Variants in MGST1 observed in about 807,000 individuals in gnomAD.
MGST1 encodes microsomal glutathione S-transferase 1.
Under a neutral mutation model 8.9 loss-of-function variants are expected in MGST1, and 5 were observed. The ratio of observed to expected loss-of-function variants is 0.56; its 90% CI spans 0.29 to 1.19. The LOEUF (loss-of-function observed/expected upper bound fraction) is 1.19. MGST1 is among the 50% of genes most tolerant of loss of function. The pLI is 0.08. For synonymous variants in MGST1, 54 were observed against 67.8 expected (o/e 0.80, Z 1.00); for missense variants, 182 against 187.4 (o/e 0.97, Z 0.17).
chr12:16,375,654 T>C (rs1484026455), intron 3 of MGST1, among the ~76,000 whole-genome samples: 2 of 152,026 alleles, frequency 1.3e-5, no homozygotes, highest in South Asian at 2.1e-4. Context: ...ATTTGGGGCA[T>C]GGCAGAAAGA....
At chr12:16,423,919 C>T (rs1300367727) in intron 1 of MGST1, among the ~76,000 whole-genome samples, 1 of 152,176 alleles carries the variant, frequency 6.6e-6, no homozygotes, top group Non-Finnish European at 1.5e-5. Context: ...GTCGGTGCTC[C>T]AGCCTGGTTC....
intron 4 of MGST1, among the ~76,000 whole-genome samples, chr12:16,575,876 C>G (rs2137489085): frequency 6.6e-6 from 1 of 152,290 alleles, no homozygotes; most frequent in South Asian, 2.1e-4. Context: ...TGACATCCTT[C>G]TCTTCTGCAG....
chr12:16,386,277 C>T (rs768228977), intron 1 of MGST1, among the ~76,000 whole-genome samples: 7 of 152,136 alleles, frequency 4.6e-5, no homozygotes, highest in African/African-American at 7.2e-5. Context: ...GCTGTACACG[C>T]GGCAAGTTAT....
intron 4 of MGST1, among the ~76,000 whole-genome samples, chr12:16,454,047 G>C (rs1228984180): frequency 3.3e-5 from 5 of 151,864 alleles, no homozygotes. Context: ...GAGTTGGTAG[G>C]AACTTTAGAA....
chr12:16,483,961 T>C (rs1340126740), intron 4 of MGST1, among the ~76,000 whole-genome samples: 1 of 152,128 alleles, frequency 6.6e-6, no homozygotes, highest in African/African-American at 2.4e-5. Context: ...AAAACAAATA[T>C]AAACATATTT....
intron 4 of MGST1, among the ~76,000 whole-genome samples, chr12:16,479,368 G>A (rs1404103738): frequency 1.3e-5 from 2 of 150,468 alleles, no homozygotes; most frequent in African/African-American, 4.9e-5. Context: ...CCGAGTAGCT[G>A]GGACTACAGG....
At position 16,555,293 on chromosome 12, in the gene MGST1, C is replaced by G. The variant is rs1416512662; in HGVS notation, n.483-34235C>G. The stretch of plus-strand genomic sequence containing the variant: ...CTTGAGTTCCCATTGCCTCCATCAA[C>G]ATCTTCTGACCATGTAAATTTGCTT... On this transcript the variant is annotated intron_variant and non_coding_transcript_variant, in intron 4 of 4. Transcript: ENST00000538857. This position sits in a 1 kb window ranked among gnomAD's most constrained non-coding sequence, Gnocchi z 5.5. Among the ~76,000 whole-genome samples the G allele has an allele frequency of 6.6e-6, 1 of 152,206 alleles. No homozygotes were observed. Among genetic ancestry groups the G allele is most frequent in the Admixed American group, 6.5e-5 (1 of 15,286 alleles).
At chr12:16,580,669 A>C (rs1210956717) in intron 4 of MGST1, among the ~76,000 whole-genome samples, 1 of 152,220 alleles carries the variant, frequency 6.6e-6, no homozygotes, top group Non-Finnish European at 1.5e-5. Context: ...TCTCAATTTG[A>C]TAAAAAATAC....
intron 4 of MGST1, among the ~76,000 whole-genome samples, chr12:16,542,970 C>A (rs2137214946): frequency 6.6e-6 from 1 of 152,276 alleles, no homozygotes; most frequent in African/African-American, 2.4e-5. Context: ...AATTGTGATG[C>A]CTTTTCTAAT....
At chr12:16,488,795 C>G (rs1368734882) in intron 4 of MGST1, among the ~76,000 whole-genome samples, 1 of 151,988 alleles carries the variant, frequency 6.6e-6, no homozygotes, top group Non-Finnish European at 1.5e-5. Flanking sequence ...ATCACTATTT[C>G]TCCACCGCTT....
chr12:16,395,786 T>TACACACACACACAC (rs1375192264), intron 1 of MGST1, among the ~76,000 whole-genome samples: 1 of 120,468 alleles, frequency 8.3e-6, no homozygotes, highest in Non-Finnish European at 1.7e-5. Flanking sequence ...CCATCATATA[T>TACACACACACACAC]ATATATATAT....
intron 2 of MGST1, 84 bp downstream of exon 2, chr12:16,354,462 T>C: frequency 7.0e-7 from 1 of 1,422,384 alleles, no homozygotes; most frequent in Non-Finnish European, 9.6e-7. Context: ...TTTTTTATTT[T>C]TGGTAAAGCC....
rs753847361 is a variant in MGST1, at chr12:16,576,111, C to T, written n.483-13417C>T. On this transcript the variant is annotated intron_variant and non_coding_transcript_variant, in intron 4 of 4. Coordinates refer to the MGST1 transcript ENST00000538857. This position sits in a 1 kb window ranked among gnomAD's most constrained non-coding sequence, Gnocchi z 4.1. ...CTTCTCCCTTGCACTCATACTACAACCTCCCAGCTGAACATCTTTCCACCA... is the reference window on the plus strand; with the variant it reads ...CTTCTCCCTTGCACTCATACTACAATCTCCCAGCTGAACATCTTTCCACCA... Among the ~76,000 whole-genome samples, 2 of 152,176 alleles carry T rather than the reference C, an allele frequency of 1.3e-5. No homozygotes were observed. The highest frequency in any genetic ancestry group is 2.9e-5 in the Non-Finnish European group (2 of 68,036).
chr12:16,452,669 G>A (rs1941139443), intron 4 of MGST1, among the ~76,000 whole-genome samples: 1 of 151,814 alleles, frequency 6.6e-6, no homozygotes, highest in South Asian at 2.1e-4. Context: ...TATTAGTCAA[G>A]ATACCCAGTC....
intron 4 of MGST1, among the ~76,000 whole-genome samples, chr12:16,581,615 TAAAAC>T (rs1252824077): frequency 6.6e-6 from 1 of 152,186 alleles, no homozygotes; most frequent in Non-Finnish European, 1.5e-5. Flanking sequence ...TTCACAATGT[TAAAAC>T]AAACACTCAA....
At chr12:16,488,871 G>A (rs1941418150) in intron 4 of MGST1, among the ~76,000 whole-genome samples, 1 of 152,064 alleles carries the variant, frequency 6.6e-6, no homozygotes, top group Admixed American at 6.6e-5. Flanking sequence ...TGCTCCAAGA[G>A]GCTGAGGCAG....
intron 4 of MGST1, among the ~76,000 whole-genome samples, chr12:16,493,885 T>G (rs1402486332): frequency 2.0e-5 from 3 of 152,184 alleles, no homozygotes; most frequent in African/African-American, 7.2e-5. Flanking sequence ...TTAAAAGAAC[T>G]GCTTAATTTT....
At chr12:16,509,185 T>G (rs1279995203) in intron 4 of MGST1, among the ~76,000 whole-genome samples, 1 of 152,186 alleles carries the variant, frequency 6.6e-6, no homozygotes, top group Non-Finnish European at 1.5e-5. Flanking sequence ...ATATTGCCAG[T>G]TTTTTTAATG....
At chr12:16,551,034 C>A in intron 4 of MGST1, 2 of 497,262 alleles carry the variant, frequency 4.0e-6, no homozygotes, top group Non-Finnish European at 7.2e-6. Context: ...TAATAATAAA[C>A]ATTCAACTCT....
Sources: gnomAD v4.1 joint callset for allele counts (sites outside exome capture counted in the v4.1 genomes callset) on GRCh38, gnomAD v4.1.1 for gene constraint, Gnocchi (gnomAD v3.1) non-coding constraint, MANE v1.5 for transcripts, NCBI Gene and HGNC (gene_info 2026-07-23, HGNC 2026-07-21) for gene names.